The following PLCB4 variants were observed in gnomAD, a reference collection of about 807,000 sequenced individuals.
The protein encoded by PLCB4 is phospholipase C beta 4.
In PLCB4, 77 loss-of-function variants were observed where a neutral mutation model predicts 178.8. That is an observed-to-expected ratio of 0.43 (90% confidence interval 0.36 to 0.52). The LOEUF (loss-of-function observed/expected upper bound fraction) is 0.52, where lower values mean the gene tolerates loss of function less well. Ranked by LOEUF, PLCB4 falls within the 20% of genes least tolerant of loss-of-function variation. The pLI is 0.00. For missense variants in PLCB4, 1,024 were observed against 1,453.4 expected, an observed-to-expected ratio of 0.70 and a Z score of 4.80; for synonymous variants, 496 against 490.8, an observed-to-expected ratio of 1.01 and a Z score of -0.14.
intron 3 of PLCB4, among the ~76,000 whole-genome samples, chr20:9,307,494 TACACACACACACACACACACACACAC>T (rs745918024): frequency 7.2e-5 from 10 of 138,096 alleles, no homozygotes; most frequent in Non-Finnish European, 1.4e-4. Flanking sequence ...AAAAAAAGAA[TACACACACACACACACACACACACAC>T]ACACACACAC....
chr20:9,244,916 C>G (rs1209740582), intron 3 of PLCB4, among the ~76,000 whole-genome samples: 4 of 152,070 alleles, frequency 2.6e-5, no homozygotes, highest in Non-Finnish European at 4.4e-5. Flanking sequence ...CTGGGCAGTT[C>G]TGAGCAAGTG....
chr20:9,307,225 C>G (rs1008514485), intron 3 of PLCB4, among the ~76,000 whole-genome samples: 2 of 152,072 alleles, frequency 1.3e-5, no homozygotes, highest in African/African-American at 4.8e-5. Context: ...CAGAAGTTCT[C>G]TTGTTCCCCA....
chr20:9,335,379 C>G (rs1340484713), intron 4 of PLCB4, among the ~76,000 whole-genome samples: 4 of 152,140 alleles, frequency 2.6e-5, no homozygotes, highest in Non-Finnish European at 5.9e-5. Flanking sequence ...AAACAAATTT[C>G]TAATGTGAGG....
intron 2 of PLCB4, among the ~76,000 whole-genome samples, chr20:9,215,220 G>A (rs2147261942): frequency 6.6e-6 from 1 of 152,196 alleles, no homozygotes; most frequent in South Asian, 2.1e-4. Flanking sequence ...AATACCTAGT[G>A]GTTTTCAATA....
chr20:9,432,696 G>A (rs1046640529), intron 28 of PLCB4, among the ~76,000 whole-genome samples: 9 of 152,204 alleles, frequency 5.9e-5, no homozygotes, highest in African/African-American at 2.2e-4. Flanking sequence ...GTCTTCATGT[G>A]CTGAAGGACC....
At chr20:9,175,833 A>G (rs1568896654) in intron 2 of PLCB4, among the ~76,000 whole-genome samples, 1 of 152,180 alleles carries the variant, frequency 6.6e-6, no homozygotes, top group Non-Finnish European at 1.5e-5. Context: ...TGAAAGGTCC[A>G]TTGGGCCTGT....
chr20:9,318,824 A>G (rs2094928788), intron 4 of PLCB4, among the ~76,000 whole-genome samples: 1 of 152,224 alleles, frequency 6.6e-6, no homozygotes, highest in Non-Finnish European at 1.5e-5. Context: ...CTACTGTACT[A>G]TGCTAAAGAA....
chr20:9,171,944 C>G (rs2093070696), intron 2 of PLCB4, among the ~76,000 whole-genome samples: 1 of 152,076 alleles, frequency 6.6e-6, no homozygotes, highest in South Asian at 2.1e-4. Flanking sequence ...CATGATAAAC[C>G]TCATTTTCCC....
intron 3 of PLCB4, among the ~76,000 whole-genome samples, chr20:9,229,619 T>A (rs1312367270): frequency 1.3e-5 from 2 of 152,076 alleles, no homozygotes; most frequent in Non-Finnish European, 1.5e-5. Flanking sequence ...TGAACTTATT[T>A]TTTTTTTATT....
intron 3 of PLCB4, among the ~76,000 whole-genome samples, chr20:9,299,564 A>G (rs980468508): frequency 6.6e-6 from 1 of 151,948 alleles, no homozygotes; most frequent in African/African-American, 2.4e-5. Context: ...TGTTAAGAGC[A>G]TTTGTCTTTG....
At chr20:9,162,560 A>G (rs2092905817) in intron 2 of PLCB4, among the ~76,000 whole-genome samples, 1 of 152,162 alleles carries the variant, frequency 6.6e-6, no homozygotes, top group Non-Finnish European at 1.5e-5. Context: ...GGGAATTGGA[A>G]AGGATGGTAT....
chr20:9,313,466 A>G (rs772470091), intron 4 of PLCB4, among the ~76,000 whole-genome samples: 4 of 152,230 alleles, frequency 2.6e-5, no homozygotes, highest in Non-Finnish European at 5.9e-5. Flanking sequence ...TATGATTTAA[A>G]GTATAAAAGT....
chr20:9,093,999 A>C (rs1024092686), intron 1 of PLCB4, among the ~76,000 whole-genome samples: 2 of 152,118 alleles, frequency 1.3e-5, no homozygotes, highest in African/African-American at 4.8e-5. Context: ...AGATCTGATA[A>C]TTTATATCTG....
Position 9,435,586 on chromosome 20 carries a change from A to G in PLCB4, c.2551A>G (p.Lys851Glu), listed in dbSNP as rs772196925. The G allele has an allele frequency of 6.2e-7, 1 of 1,608,000 alleles. No individual in the cohort carries two copies. Among genetic ancestry groups the G allele is most frequent in the Non-Finnish European group, 8.5e-7 (1 of 1,174,740 alleles). Residue 851 changes from lysine (K) to glutamate (E), a missense_variant, in exon 29 of 40, where the codon AAG (lysine) becomes GAG (glutamate). Physicochemically the swap from Lys to Glu is moderately conservative, Grantham distance 56. Transcript: ENST00000378473. The stretch of plus-strand genomic sequence containing the variant: ...TATCGTGGATGCTTTATCAGATCCA[A>G]AGAAATTTCTCTCAATTACAGAAAA... Reference protein sequence around the residue: ...GDIVDALSDPKKFLSITEKRA... With the variant: ...GDIVDALSDPEKFLSITEKRA...
intron 3 of PLCB4, among the ~76,000 whole-genome samples, chr20:9,229,244 G>C (rs781373968): frequency 2.6e-5 from 4 of 152,080 alleles, no homozygotes; most frequent in Non-Finnish European, 4.4e-5. Context: ...ATTTCCCTAC[G>C]GGCGTGGAAG....
intron 3 of PLCB4, among the ~76,000 whole-genome samples, chr20:9,224,875 C>T (rs1175276090): frequency 1.3e-5 from 2 of 152,206 alleles, no homozygotes; most frequent in African/African-American, 2.4e-5. Flanking sequence ...AATCCCTCTC[C>T]TTTGCCACAA....
rs1030690123 is a variant in PLCB4, at chr20:9,430,862, C to T, written c.2525-4698C>T. ...AGGTCTCCAGGGGCTGCTGGACCCT[C>T]CATAGTCTTAATGATAAAGCCTGCC... is the stretch of plus-strand genomic sequence containing the variant. On this transcript the variant is annotated intron_variant, in intron 28 of 39. Coordinates refer to ENST00000378473, the MANE Select transcript of PLCB4 (RefSeq NM_001377142.1). 7.2e-5 allele frequency among the ~76,000 whole-genome samples: 11 copies of T among 152,180 alleles called. No individual in the cohort carries two copies. The South Asian group carries it at 1.5e-3, about 20-fold the overall frequency.
chr20:9,192,428 T>C (rs1568926591), intron 2 of PLCB4, among the ~76,000 whole-genome samples: 1 of 152,090 alleles, frequency 6.6e-6, no homozygotes, highest in Non-Finnish European at 1.5e-5. Context: ...TTCATGAATG[T>C]GTGACCTGTG....
intron 2 of PLCB4, among the ~76,000 whole-genome samples, chr20:9,203,795 T>G (rs1162917868): frequency 6.9e-6 from 1 of 144,664 alleles, no homozygotes; most frequent in Admixed American, 6.7e-5. Context: ...TTTTTTTTTT[T>G]TTTTTTTTCC....
Sources: allele counts gnomAD v4.1 joint callset (sites outside exome capture counted in the v4.1 genomes callset), GRCh38; gene constraint gnomAD v4.1.1; transcripts MANE v1.5; gene names NCBI Gene and HGNC (gene_info 2026-07-23, HGNC 2026-07-21).